The following PRKG1 variants were observed in gnomAD, a reference collection of about 807,000 sequenced individuals.
The protein encoded by PRKG1 is protein kinase cGMP-dependent 1.
A neutral mutation model predicts 88.1 loss-of-function variants in PRKG1; 35 were observed. That is an observed-to-expected ratio of 0.40 (90% CI 0.30 to 0.53). The LOEUF (loss-of-function observed/expected upper bound fraction) is 0.53, where lower values mean the gene tolerates loss of function less well. PRKG1 is among the 20% of genes least tolerant of loss of function. The pLI, the probability that PRKG1 is intolerant of heterozygous loss-of-function variation, is 0.59. For synonymous variants in PRKG1, 303 were observed against 292.5 expected (o/e 1.04, Z -0.37); for missense variants, 540 against 839.8 (o/e 0.64, Z 4.41).
At chr10:52,077,801 G>A (rs1378283036) in intron 7 of PRKG1, among the ~76,000 whole-genome samples, 1 of 152,068 alleles carries the variant, frequency 6.6e-6, no homozygotes, top group Non-Finnish European at 1.5e-5. Flanking sequence ...GCTCATTTGG[G>A]TAAATGGAAT....
In PRKG1 at chr10:51,080,617, C is replaced by T. The variant is rs73338478; in HGVS notation, c.311+5716C>T. ...ACTTGAACCTTTCAAGCTCAGAGAACGCAAGACAATGTGATAAATAAGCAC... is the reference window on the plus strand; with the variant it reads ...ACTTGAACCTTTCAAGCTCAGAGAATGCAAGACAATGTGATAAATAAGCAC... On this transcript the variant is annotated intron_variant, in intron 1 of 17. Transcript: ENST00000373980. Among the ~76,000 whole-genome samples the T allele has an allele frequency of 4.2e-3, 644 of 152,262 alleles. 6 individuals carry two copies. Among genetic ancestry groups the T allele is most frequent in the African/African-American group, 0.015 (619 of 41,550 alleles).
At chr10:51,446,687 T>C (rs1839282169) in intron 2 of PRKG1, among the ~76,000 whole-genome samples, 1 of 152,074 alleles carries the variant, frequency 6.6e-6, no homozygotes, top group African/African-American at 2.4e-5. Context: ...ATCTTCATCC[T>C]TTCGTTCAGG....
At chr10:51,636,815 C>T (rs1170290765) in intron 3 of PRKG1, among the ~76,000 whole-genome samples, 1 of 152,172 alleles carries the variant, frequency 6.6e-6, no homozygotes, top group African/African-American at 2.4e-5. Context: ...CTATTTTCAC[C>T]TGTATCAAAT....
chr10:52,069,671 T>C (rs1589577358), intron 7 of PRKG1, among the ~76,000 whole-genome samples: 1 of 152,334 alleles, frequency 6.6e-6, no homozygotes, highest in East Asian at 1.9e-4. Context: ...CTATTCAAGC[T>C]GCTTTTGTAT....
chr10:52,171,786 A>ATTTTTTTTTTT lies in PRKG1; in HGVS notation c.1076+9840_1076+9850dup, dbSNP rs545195374. Among the ~76,000 whole-genome samples the ATTTTTTTTTTT allele has an allele frequency of 6.8e-4, 64 of 93,854 alleles. 1 individual carries two copies. The highest frequency in any genetic ancestry group is 2.6e-3 in the African/African-American group (62 of 23,444). The allele number at this position is 93,854 out of a possible 152,430, so 61.6% of individuals were successfully genotyped here. A position where few individuals can be genotyped will look rare whatever the true frequency, so the allele number is the denominator to read the frequency against. On this transcript the variant is annotated intron_variant, in intron 9 of 17. Transcript: ENST00000373980. Reference sequence around the variant, plus strand: ...ATAGAAGTATTTTTCTTTTATCAAAATTTTTTTTTTTTTTTTTTTTTTTTT... The same window carrying ATTTTTTTTTTT: ...ATAGAAGTATTTTTCTTTTATCAAAATTTTTTTTTTTTTTTTTTTTTTTTTTTTTTTTTTTT...
Position 51,753,570 on chromosome 10 carries a change from G to A in PRKG1, c.593-51015G>A, listed in dbSNP as rs114301523. Among the ~76,000 whole-genome samples, 458 of 152,172 alleles carry A rather than the reference G, an allele frequency of 3.0e-3. 3 individuals carry two copies. The highest frequency in any genetic ancestry group is 0.01 in the African/African-American group (431 of 41,542). ...GACTGGCCTTATCATTAAATTGATAGGCATGTGGTCAAAGAGAGTAGAAGT... is the reference window on the plus strand; with the variant it reads ...GACTGGCCTTATCATTAAATTGATAAGCATGTGGTCAAAGAGAGTAGAAGT... On this transcript the variant is annotated intron_variant, in intron 3 of 17. Transcript: ENST00000373980.
intron 3 of PRKG1, among the ~76,000 whole-genome samples, chr10:51,627,978 TTCTTTCTTTCTTTCTCTC>T (rs1839396502): frequency 3.1e-5 from 1 of 31,898 alleles, no homozygotes; most frequent in African/African-American, 1.0e-4. Context: ...TTCTCTTTCT[TTCTTTCTTTCTTTCTCTC>T]TCTCTCTCTC....
chr10:51,758,125 C>G (rs67683657), intron 3 of PRKG1, among the ~76,000 whole-genome samples: 6,197 of 152,134 alleles, frequency 0.041, 168 homozygotes, highest in Non-Finnish European at 0.059. Context: ...ATGTAGGAAA[C>G]AGTCTAGAAA....
chr10:51,325,877 A>T (rs1299521795), intron 2 of PRKG1, among the ~76,000 whole-genome samples: 1 of 152,026 alleles, frequency 6.6e-6, no homozygotes, highest in Non-Finnish European at 1.5e-5. Context: ...ACTGCATTCC[A>T]TCTGTGCTGA....
intron 3 of PRKG1, among the ~76,000 whole-genome samples, chr10:51,702,249 T>G (rs1450220208): frequency 6.6e-6 from 1 of 152,174 alleles, no homozygotes; most frequent in African/African-American, 2.4e-5. Context: ...TTCCATGTTC[T>G]CTTTAGTCCC....
intron 3 of PRKG1, among the ~76,000 whole-genome samples, chr10:51,546,002 G>A (rs1169748778): frequency 1.3e-5 from 2 of 150,708 alleles, no homozygotes; most frequent in African/African-American, 2.4e-5. Flanking sequence ...TATGCATATC[G>A]CTTAGTAACT....
intron 5 of PRKG1, among the ~76,000 whole-genome samples, chr10:51,963,003 C>T (rs1343692469): frequency 6.6e-6 from 1 of 152,138 alleles, no homozygotes; most frequent in Non-Finnish European, 1.5e-5. Context: ...AGGCTGGATG[C>T]TCTCAGTGTA....
At chr10:52,062,160 T>C (rs1356906276) in intron 6 of PRKG1, among the ~76,000 whole-genome samples, 17 of 152,080 alleles carry the variant, frequency 1.1e-4, no homozygotes, top group Non-Finnish European at 7.4e-5. Context: ...ACTACCTATG[T>C]TATTAATATA....
chr10:51,747,777 G>C (rs2132503672), intron 3 of PRKG1, among the ~76,000 whole-genome samples: 1 of 151,904 alleles, frequency 6.6e-6, no homozygotes, highest in African/African-American at 2.4e-5. Flanking sequence ...TTTTTTTGGA[G>C]AGGGGCACGA....
chr10:52,242,648 A>G (rs1349542966), intron 9 of PRKG1, among the ~76,000 whole-genome samples: 1 of 152,074 alleles, frequency 6.6e-6, no homozygotes, highest in African/African-American at 2.4e-5. Context: ...TGTAATCCCA[A>G]CACTTTAGGA....
intron 1 of PRKG1, among the ~76,000 whole-genome samples, chr10:51,037,430 C>T (rs1167422119): frequency 1.3e-5 from 2 of 152,120 alleles, no homozygotes; most frequent in East Asian, 1.9e-4. Context: ...TGCCACTGCA[C>T]TCAGCCTGGA....
chr10:52,168,984 T>C (rs1031582913), intron 9 of PRKG1, among the ~76,000 whole-genome samples: 1 of 152,148 alleles, frequency 6.6e-6, no homozygotes, highest in Admixed American at 6.5e-5. Flanking sequence ...AAGATTGTTA[T>C]CAGTTTGAGA....
chr10:51,360,118 G>A (rs1279081574), intron 2 of PRKG1, among the ~76,000 whole-genome samples: 1 of 151,900 alleles, frequency 6.6e-6, no homozygotes, highest in Non-Finnish European at 1.5e-5. Flanking sequence ...TTTCCAAGAT[G>A]TCTTTTGGAA....
intron 4 of PRKG1, among the ~76,000 whole-genome samples, chr10:51,822,038 A>G (rs909235262): frequency 5.3e-5 from 8 of 152,242 alleles, no homozygotes; most frequent in African/African-American, 1.9e-4. Context: ...TAGACAGGGC[A>G]TGGAATTAAT....
Sources: allele counts gnomAD v4.1 joint callset (sites outside exome capture counted in the v4.1 genomes callset), GRCh38; gene constraint gnomAD v4.1.1; transcripts MANE v1.5; gene names NCBI Gene and HGNC (gene_info 2026-07-23, HGNC 2026-07-21).